PDIA4: variants seen among roughly 807,000 people sequenced by gnomAD.
The protein encoded by PDIA4 is protein disulfide isomerase family A member 4.
Under a neutral mutation model 62.1 loss-of-function variants are expected in PDIA4, and 33 were observed. The observed-to-expected ratio is 0.53, with a 90% CI of 0.40 to 0.71. The LOEUF is 0.71. Among genes scored for constraint, PDIA4 ranks in the 30% least tolerant of loss-of-function variants. The probability of loss-of-function intolerance (pLI) is 0.00; values close to 1 mark genes in which losing one functional copy is unlikely to be tolerated. For missense variants in PDIA4, 804 were observed against 813.6 expected (o/e 0.99, Z 0.14); for synonymous variants, 341 against 324.1 (o/e 1.05, Z -0.56).
chr7:149,028,251 G>A, intron 1 of PDIA4, 70 bp downstream of exon 1: 2 of 1,179,370 alleles, frequency 1.7e-6, no homozygotes, highest in Non-Finnish European at 2.3e-6. Flanking sequence ...GGGGTCGCAG[G>A]GCCCAGGCCC....
At chr7:149,025,085 A>ATATATATATATATATATATAT (rs1279233879) in intron 1 of PDIA4, among the ~76,000 whole-genome samples, 16 of 22,338 alleles carry the variant, frequency 7.2e-4, no homozygotes, top group African/African-American at 9.7e-4. Flanking sequence ...AAAAAAAAAA[A>ATATATATATATATATATATAT]ATATATATAT....
At chr7:149,006,459 G>T (rs1434121166) in intron 7 of PDIA4, among the ~76,000 whole-genome samples, 1 of 152,208 alleles carries the variant, frequency 6.6e-6, no homozygotes, top group African/African-American at 2.4e-5. Context: ...ACTTCACAAC[G>T]ACTGGAGTCC....
chr7:149,013,224 G>T (rs757204785), intron 4 of PDIA4, among the ~76,000 whole-genome samples: 6 of 152,118 alleles, frequency 3.9e-5, no homozygotes, highest in Admixed American at 6.6e-5. Flanking sequence ...CTCCAGCCTG[G>T]GCAACAGAGC....
Position 149,007,127 on chromosome 7 carries a change from T to C in PDIA4, c.1131+1032A>G, listed in dbSNP as rs953179659. Among the ~76,000 whole-genome samples, 7 of 150,064 alleles carry C rather than the reference T, an allele frequency of 4.7e-5. No homozygotes were observed. The South Asian group carries it at 6.3e-4, about 13-fold the overall frequency. ...ACTATGAGTCCAGGGAAGAGGAGAG[T>C]TGCCCTGAGCTTCAAGTTGGCAGAG... On this transcript the variant is annotated intron_variant, in intron 7 of 9. Transcript: ENST00000652332.
chr7:149,016,501 C>T (rs1408406684), intron 3 of PDIA4, among the ~76,000 whole-genome samples: 3 of 151,810 alleles, frequency 2.0e-5, no homozygotes, highest in Non-Finnish European at 2.9e-5. Flanking sequence ...TCTCCAAACA[C>T]AGAAGAAACC....
intron 1 of PDIA4, among the ~76,000 whole-genome samples, chr7:149,027,318 GTTT>G (rs1824592111): frequency 2.0e-5 from 3 of 152,260 alleles, no homozygotes; most frequent in Admixed American, 1.3e-4. Context: ...CCGAGTGTGG[GTTT>G]TTACTTCCTT....
chr7:149,005,690 G>C (rs1013648662), intron 8 of PDIA4, among the ~76,000 whole-genome samples: 6 of 152,164 alleles, frequency 3.9e-5, no homozygotes, highest in Non-Finnish European at 5.9e-5. Flanking sequence ...AGAGGGTTCT[G>C]CACCTGAATC....
chr7:149,027,969 A>G (rs772043347), intron 1 of PDIA4: 10 of 516,170 alleles, frequency 1.9e-5, no homozygotes, highest in Non-Finnish European at 3.5e-5. Flanking sequence ...GTTCGCCTGG[A>G]GTTAGCCTGG....
intron 2 of PDIA4, 48 bp from the exon 3 acceptor site, chr7:149,019,245 G>C: frequency 7.6e-7 from 1 of 1,317,350 alleles, no homozygotes; most frequent in Non-Finnish European, 1.1e-6. Flanking sequence ...GTACCTATGG[G>C]ATTTAAATCC....
In PDIA4 at chr7:149,019,107, G is replaced by T. The variant is rs555407874; in HGVS notation, c.360C>A (p.Ile120=). Residue 120 remains isoleucine (I), a synonymous_variant, in exon 3 of 10, where the codon ATC becomes ATA. Transcript: ENST00000652332. ...CCAGCACAGACGCTGAGGTTGCATCGATCTTGGCAACAGGAATGGGAGGAT... is the reference window on the plus strand; with the variant it reads ...CCAGCACAGACGCTGAGGTTGCATCTATCTTGGCAACAGGAATGGGAGGAT... ...DKDPPIPVAK[I]DATSASVLAS... is the part of the protein sequence containing the mutation. 6.2e-7 allele frequency: 1 copy of T among 1,613,688 alleles called. No individual in the cohort carries two copies. Among genetic ancestry groups the T allele is most frequent in the South Asian group, 1.1e-5 (1 of 91,068 alleles).
intron 1 of PDIA4, among the ~76,000 whole-genome samples, chr7:149,026,425 C>T (rs886991104): frequency 1.6e-4 from 25 of 152,058 alleles, no homozygotes; most frequent in Non-Finnish European, 2.6e-4. Context: ...CCAAGTCAGG[C>T]GGATCACGGG....
At chr7:149,007,732 A>G (rs6973873) in intron 7 of PDIA4, among the ~76,000 whole-genome samples, 2,783 of 152,362 alleles carry the variant, frequency 0.018, 90 homozygotes, top group African/African-American at 0.063. Context: ...TGGTGAACAG[A>G]CAGGGATGCT....
At chr7:149,024,375 T>C (rs1255356914) in intron 1 of PDIA4, among the ~76,000 whole-genome samples, 1 of 152,142 alleles carries the variant, frequency 6.6e-6, no homozygotes, top group East Asian at 1.9e-4. Flanking sequence ...CAGGATTGAT[T>C]CCTCTGCAAT....
intron 3 of PDIA4, among the ~76,000 whole-genome samples, chr7:149,017,597 CATTTTATCAAAATAAAATTAAAT>C (rs1246607200): frequency 0.019 from 2,302 of 122,430 alleles, 39 homozygotes; most frequent in African/African-American, 0.026. Context: ...AAATTAAATA[CATTTTATCAAAATAAAATTAAAT>C]ATTTTATCAA....
chr7:149,020,298 T>C (rs1824296825), intron 2 of PDIA4, among the ~76,000 whole-genome samples: 1 of 152,198 alleles, frequency 6.6e-6, no homozygotes, highest in Admixed American at 6.6e-5. Flanking sequence ...GTGCTACGCT[T>C]GACCCTCAGG....
chr7:149,004,249 C>G, intron 9 of PDIA4, 40 bp from the exon 10 acceptor site: 2 of 1,570,556 alleles, frequency 1.3e-6, no homozygotes, highest in Non-Finnish European at 1.7e-6. Flanking sequence ...GTCAGTGCTG[C>G]AAAGGCCAAA....
chr7:149,025,030 A>G (rs1021349399), intron 1 of PDIA4, among the ~76,000 whole-genome samples: 5 of 143,612 alleles, frequency 3.5e-5, no homozygotes, highest in Non-Finnish European at 7.5e-5. Flanking sequence ...AGATGACGCC[A>G]TTGCACTCCA....
intron 3 of PDIA4, among the ~76,000 whole-genome samples, chr7:149,016,078 G>A (rs1196034173): frequency 1.3e-5 from 2 of 152,088 alleles, no homozygotes; most frequent in Non-Finnish European, 2.9e-5. Flanking sequence ...GTGGATCATG[G>A]GTGGTCAGGA....
chr7:149,004,628 G>A (rs1823676719), intron 9 of PDIA4, among the ~76,000 whole-genome samples: 1 of 152,226 alleles, frequency 6.6e-6, no homozygotes, highest in African/African-American at 2.4e-5. Context: ...AGATCAACAG[G>A]CTCTGTTTAA....
Sources: allele counts gnomAD v4.1 joint callset (sites outside exome capture counted in the v4.1 genomes callset), GRCh38; gene constraint gnomAD v4.1.1; transcripts MANE v1.5; gene names NCBI Gene and HGNC (gene_info 2026-07-23, HGNC 2026-07-21).